Variants in MAD2L2 observed in about 807,000 individuals in gnomAD.
MAD2L2 encodes mitotic spindle assembly checkpoint protein MAD2B.
Under a neutral mutation model 30.5 loss-of-function variants are expected in MAD2L2, and 17 were observed. The ratio of observed to expected loss-of-function variants is 0.56; its 90% CI spans 0.38 to 0.84. MAD2L2 has a LOEUF of 0.84. Ranked by LOEUF, MAD2L2 falls within the 40% of genes least tolerant of loss-of-function variation. The pLI, the probability that MAD2L2 is intolerant of heterozygous loss-of-function variation, is 0.00. For synonymous variants in MAD2L2, 101 were observed against 113.9 expected (o/e 0.89, Z 0.72); for missense variants, 213 against 277.4 (o/e 0.77, Z 1.65).
upstream of MAD2L2, among the ~76,000 whole-genome samples, chr1:11,684,266 T>G (rs1380516786): frequency 6.6e-6 from 1 of 152,222 alleles, no homozygotes; most frequent in Non-Finnish European, 1.5e-5. Flanking sequence ...TGGTTTTGCA[T>G]ATCTTAATCG....
Position 11,680,462 on chromosome 1 carries a change from T to A in MAD2L2, c.50A>T (p.Asp17Val). ...QDLNFGQVVA[D>V]VLCEFLEVAV... The stretch of plus-strand genomic sequence containing the variant: ...CACCTCCAGGAACTCGCAGAGCACA[T>A]CGGCCACCACTGCAGGGGGGCACAA... Residue 17 changes from aspartate to valine, a missense_variant, in exon 3 of 9, where the codon GAT becomes GTT. Physicochemically the swap from Asp to Val is radical, Grantham distance 152. Transcript: ENST00000376692. 6.2e-7 allele frequency: 1 copy of A among 1,613,642 alleles called. No homozygotes were observed. Among genetic ancestry groups the A allele is most frequent in the Non-Finnish European group, 8.5e-7 (1 of 1,179,834 alleles).
intron 7 of MAD2L2, 100 bp downstream of exon 7, chr1:11,675,558 T>C: frequency 8.6e-7 from 1 of 1,160,036 alleles, no homozygotes; most frequent in Admixed American, 1.7e-5. Context: ...GCCACACCAA[T>C]GTAATGGGTG....
Position 11,680,596 on chromosome 1 carries a change from G to C in MAD2L2, c.6C>G (p.Thr2=). The stretch of plus-strand genomic sequence containing the variant: ...AGTTGAGGTCTTGTCGTGTGAGCGT[G>C]GTCATCCTTCCCGCTACCTGAGTGT... M[T]TLTRQDLNFG... Residue 2 remains threonine, a synonymous_variant, in exon 2 of 9, where the codon ACC becomes ACG. Coordinates refer to ENST00000376692, the MANE Select transcript of MAD2L2 (RefSeq NM_006341.4). 6.4e-7 allele frequency: 1 copy of C among 1,572,338 alleles called. No homozygotes were observed. Among genetic ancestry groups the C allele is most frequent in the Non-Finnish European group, 8.7e-7 (1 of 1,155,818 alleles).
At chr1:11,684,378 T>C (rs372538819), upstream of MAD2L2, among the ~76,000 whole-genome samples, 38 of 152,280 alleles carry the variant, frequency 2.5e-4, 1 homozygote, top group Middle Eastern at 3.4e-3. Context: ...TCAAAGTTAT[T>C]TGCATATTTT....
chr1:11,676,471 C>A (rs1475839834), intron 5 of MAD2L2, among the ~76,000 whole-genome samples: 1 of 152,160 alleles, frequency 6.6e-6, no homozygotes, highest in Non-Finnish European at 1.5e-5. Context: ...AAGGGCTTGC[C>A]TAAGGCCACA....
At chr1:11,685,661 T>C (rs1170192615), upstream of MAD2L2, among the ~76,000 whole-genome samples, 1 of 152,152 alleles carries the variant, frequency 6.6e-6, no homozygotes, top group East Asian at 1.9e-4. Context: ...TTATAAAAAA[T>C]ATAAAGTGCA....
At position 11,676,136 on chromosome 1, in the gene MAD2L2, CT is replaced by C; in HGVS notation, c.336del (p.Asp113ThrfsTer16). The C allele has an allele frequency of 6.3e-7, 1 of 1,596,666 alleles. No individual in the cohort carries two copies. ...TGCTCCACATGAGACAACAGCGAGT[CT>C]GAGCTGGGAGTGAGAGGAGGTCTTC... ...ITQPPLLSIS[S>X]DSLLSHVEQL... On this transcript the variant is annotated frameshift_variant, in exon 6 of 9. Transcript: ENST00000376692. LOFTEE classifies it high-confidence loss of function.
At chr1:11,684,212 C>T (rs1478047481), upstream of MAD2L2, among the ~76,000 whole-genome samples, 1 of 152,158 alleles carries the variant, frequency 6.6e-6, no homozygotes, top group Admixed American at 6.5e-5. Context: ...ATGGGCCCAT[C>T]CGGGGAGCTC....
In MAD2L2 at chr1:11,675,767, C is replaced by A. The variant is rs143857885; in HGVS notation, c.428-36G>T. 2.6e-6 allele frequency: 4 copies of A among 1,565,464 alleles called. No homozygotes were observed. In the African/African-American group the frequency reaches 4.1e-5, roughly 16 times the overall value. On this transcript the variant is annotated intron_variant, in intron 6 of 8. Transcript: ENST00000376692. Reference sequence around the variant, plus strand: ...AAGAGGTTGGTGGAGGCTCCCCCACCGCCCTGGTGCCAGCCACTGGGCCCA... The same window carrying A: ...AAGAGGTTGGTGGAGGCTCCCCCACAGCCCTGGTGCCAGCCACTGGGCCCA...
chr1:11,680,500 C>T (rs746139592), intron 2 of MAD2L2, 29 bp from the exon 3 acceptor site: 13 of 1,611,694 alleles, frequency 8.1e-6, no homozygotes, highest in Non-Finnish European at 1.1e-5. Flanking sequence ...CGGTGGCGCG[C>T]TCGAGGAAGC....
chr1:11,675,116 A>T lies in MAD2L2; in HGVS notation c.560T>A (p.Ile187Lys). The change falls in exon 8 of 9, where the codon ATA becomes AAA. Residue 187 changes from isoleucine to lysine, a missense_variant. By Grantham distance (102) the Ile-to-Lys change is moderately radical. Transcript: ENST00000376692. ...GTCCGACGTCATGGTTTTTAGTGGT[A>T]TCAGCCGGGGGTCATGCATGTGGAC... ...QDVHMHDPRL[I>K]PLKTMTSDIL... The T allele has an allele frequency of 6.2e-7, 1 of 1,602,574 alleles. No individual in the cohort carries two copies.
chr1:11,677,318 A>G (rs1035744646), intron 4 of MAD2L2: 1 of 598,608 alleles, frequency 1.7e-6, no homozygotes, highest in Non-Finnish European at 3.0e-6. Flanking sequence ...GCCAGCTCCA[A>G]CCCGGGCTCC....
upstream of MAD2L2, among the ~76,000 whole-genome samples, chr1:11,683,163 T>A: frequency 6.6e-6 from 1 of 152,148 alleles, no homozygotes; most frequent in East Asian, 1.9e-4. Context: ...TGGGATGGCC[T>A]TCAGGACACA....
chr1:11,689,070 C>T (rs983617899), intron 1 of MAD2L2, among the ~76,000 whole-genome samples: 1 of 152,066 alleles, frequency 6.6e-6, no homozygotes, highest in South Asian at 2.1e-4. Context: ...CCAAGGCAGG[C>T]AGATTGCCTG....
chr1:11,677,420 G>T, intron 4 of MAD2L2, 123 bp downstream of exon 4: 1 of 944,518 alleles, frequency 1.1e-6, no homozygotes, highest in Non-Finnish European at 1.7e-6. Flanking sequence ...AGGCTTCTGG[G>T]TATTGGAGCC....
upstream of MAD2L2, chr1:11,682,125 C>G (rs984695251): frequency 2.6e-5 from 4 of 152,218 alleles, no homozygotes; most frequent in Non-Finnish European, 5.9e-5. Flanking sequence ...TTTTATAGCC[C>G]CACTTTACAG....
upstream of MAD2L2, among the ~76,000 whole-genome samples, chr1:11,684,286 G>A (rs1557681569): frequency 6.6e-6 from 1 of 152,210 alleles, no homozygotes; most frequent in African/African-American, 2.4e-5. Context: ...GCATCAGCAT[G>A]ATGGATGGTT....
At chr1:11,682,235 T>G, upstream of MAD2L2, among the ~76,000 whole-genome samples, 1 of 152,130 alleles carries the variant, frequency 6.6e-6, no homozygotes, top group East Asian at 1.9e-4. Flanking sequence ...GGGCTTCCAC[T>G]TATTTACAGC....
At chr1:11,684,589 C>A (rs995265665), upstream of MAD2L2, among the ~76,000 whole-genome samples, 1 of 152,052 alleles carries the variant, frequency 6.6e-6, no homozygotes, top group African/African-American at 2.4e-5. Flanking sequence ...AAGACCTGCT[C>A]GGGCAGAGGA....
Sources: gnomAD v4.1 joint callset for allele counts (sites outside exome capture counted in the v4.1 genomes callset) on GRCh38, gnomAD v4.1.1 for gene constraint, MANE v1.5 for transcripts, NCBI Gene and HGNC (gene_info 2026-07-23, HGNC 2026-07-21) for gene names.